The following SLC25A6 variants were observed in gnomAD, a reference collection of about 807,000 sequenced individuals.
SLC25A6 encodes the protein solute carrier family 25 member 6.
In SLC25A6, 9 loss-of-function variants were observed where a neutral mutation model predicts 25.7. The observed-to-expected ratio is 0.35, with a 90% CI of 0.21 to 0.61. The LOEUF is 0.61. Ranked by LOEUF, SLC25A6 falls within the 20% of genes least tolerant of loss-of-function variation. The pLI, the probability that SLC25A6 is intolerant of heterozygous loss-of-function variation, is 0.76. For missense variants in SLC25A6, 404 were observed against 440.5 expected (o/e 0.92, Z 0.74); for synonymous variants, 223 against 197.0 (o/e 1.13, Z -1.11).
At position 1,386,552 on chromosome X, in the gene SLC25A6, T is replaced by G; in HGVS notation, c.*50A>C. The G allele has an allele frequency of 6.8e-7, 1 of 1,464,734 alleles. No individual in the cohort carries two copies. Among genetic ancestry groups the G allele is most frequent in the Non-Finnish European group, 9.0e-7 (1 of 1,106,492 alleles). 90.7% of individuals were successfully genotyped at this position (1,464,734 alleles called of 1,614,324 possible). On this transcript the variant is annotated 3_prime_UTR_variant, in exon 4 of 4. Coordinates refer to ENST00000381401, the MANE Select transcript of SLC25A6 (RefSeq NM_001636.4). ...CCGCACGGTTGAGGATTCTACGTGG[T>G]TCTCTTGGTTCCCCTGGTGTGTGTG...
intron 2 of SLC25A6, 113 bp downstream of exon 2, chrX:1,389,127 AG>A: frequency 8.4e-7 from 1 of 1,196,014 alleles, no homozygotes; most frequent in Non-Finnish European, 1.2e-6. Context: ...GAGAGGCCGC[AG>A]GAGGAACCAG....
chrX:1,391,974 G>T lies in SLC25A6; in HGVS notation c.36C>A (p.Phe12Leu). The T allele has an allele frequency of 6.2e-7, 1 of 1,609,520 alleles. No individual in the cohort carries two copies. Among genetic ancestry groups the T allele is most frequent in the Non-Finnish European group, 8.5e-7 (1 of 1,178,870 alleles). Residue 12 changes from phenylalanine to leucine, a missense_variant, in exon 1 of 4, where the codon TTC becomes TTA. By Grantham distance (22) the Phe-to-Leu change is conservative. Transcript: ENST00000381401. Reference sequence around the variant, plus strand: ...TGGCGGCGGCGATGCCTCCGGCCAAGAAGTCTTTGGCGAAGGAGATGGCCT... The same window carrying T: ...TGGCGGCGGCGATGCCTCCGGCCAATAAGTCTTTGGCGAAGGAGATGGCCT... ...TEQAISFAKD[F>L]LAGGIAAAIS...
chrX:1,389,564 T>A lies in SLC25A6; in HGVS notation c.275A>T (p.Lys92Met). Reference protein sequence around the residue: ...FPTQALNFAFKDKYKQIFLGG... With the variant: ...FPTQALNFAFMDKYKQIFLGG... The stretch of plus-strand genomic sequence containing the variant: ...CAGGAAGATCTGCTTGTACTTATCC[T>A]TGAAGGCGAAGTTGAGGGCTTGAGT... Residue 92 changes from lysine (K) to methionine (M), a missense_variant, in exon 2 of 4, where the codon AAG becomes ATG. Coordinates refer to ENST00000381401, the MANE Select transcript of SLC25A6 (RefSeq NM_001636.4). The A allele has an allele frequency of 6.2e-7, 1 of 1,614,142 alleles. No homozygotes were observed. The highest frequency in any genetic ancestry group is 2.2e-5 in the East Asian group (1 of 44,868).
Position 1,389,597 on chromosome X carries a change from T to C in SLC25A6, c.242A>G (p.Tyr81Cys). ...GAAGTTGAGGGCTTGAGTGGGGAAG[T>C]AGCGAATGACGTTGGCAAGGTTGCC... ...WRGNLANVIR[Y>C]FPTQALNFAF... The change falls in exon 2 of 4, where the codon TAC (tyrosine) becomes TGC (cysteine). Residue 81 changes from tyrosine (Y) to cysteine (C), a missense_variant. Tyr to Cys is a radical substitution (Grantham distance 194). Coordinates refer to ENST00000381401, the MANE Select transcript of SLC25A6 (RefSeq NM_001636.4). The C allele has an allele frequency of 1.9e-6, 3 of 1,614,138 alleles. No individual in the cohort carries two copies. Among genetic ancestry groups the C allele is most frequent in the Non-Finnish European group, 2.5e-6 (3 of 1,180,010 alleles).
At chrX:1,386,814 A>C in intron 3 of SLC25A6, 55 bp from the exon 4 acceptor site, 1 of 1,567,076 alleles carries the variant, frequency 6.4e-7, no homozygotes, top group Non-Finnish European at 8.7e-7. Context: ...CAAGACACGG[A>C]CGCCACCTGC....
chrX:1,387,274 A>G lies in SLC25A6; in HGVS notation c.739+5T>C. The G allele has an allele frequency of 1.2e-6, 2 of 1,610,922 alleles. No individual in the cohort carries two copies. The highest frequency in any genetic ancestry group is 1.7e-6 in the Non-Finnish European group (2 of 1,178,736). ...GCAGCAAGGGTCCCCCGCCCCCCCG[A>G]GTACCTCCTTTGCGCCCGGACTGCA... On this transcript the variant is annotated splice_donor_5th_base_variant and intron_variant, in intron 3 of 3. Coordinates refer to ENST00000381401, the MANE Select transcript of SLC25A6 (RefSeq NM_001636.4).
intron 2 of SLC25A6, 149 bp downstream of exon 2, chrX:1,389,092 G>A (rs2089366447): frequency 1.3e-6 from 1 of 749,970 alleles, no homozygotes; most frequent in Non-Finnish European, 2.1e-6. Context: ...GGCACAGGGA[G>A]AAGACGGCGT....
At chrX:1,388,144 G>C (rs2089351354) in intron 2 of SLC25A6, among the ~76,000 whole-genome samples, 1 of 151,912 alleles carries the variant, frequency 6.6e-6, no homozygotes, top group African/African-American at 2.4e-5. Context: ...CACACACAGA[G>C]GGATGACCCT....
chrX:1,389,214 G>T, intron 2 of SLC25A6, 27 bp downstream of exon 2: 2 of 1,602,320 alleles, frequency 1.2e-6, no homozygotes, highest in Non-Finnish European at 1.7e-6. Context: ...CCCGTCTCTG[G>T]GACTTCGCGA....
rs776807220 is a variant in SLC25A6 at position 1,387,267 on chromosome X, C to A, written c.739+12G>T. 3 of 1,610,056 alleles carry A rather than the reference C, an allele frequency of 1.9e-6. No individual in the cohort carries two copies. The highest frequency in any genetic ancestry group is 2.5e-6 in the Non-Finnish European group (3 of 1,177,982). On this transcript the variant is annotated intron_variant, in intron 3 of 3. Transcript: ENST00000381401. ...CTTCCCGGCAGCAAGGGTCCCCCGC[C>A]CCCCCGAGTACCTCCTTTGCGCCCG...
At chrX:1,388,404 G>A (rs1432036524) in intron 2 of SLC25A6, among the ~76,000 whole-genome samples, 2 of 146,968 alleles carry the variant, frequency 1.4e-5, no homozygotes, top group Admixed American at 6.8e-5. Flanking sequence ...AGGACACAGG[G>A]AAGACGGAGT....
intron 2 of SLC25A6, 40 bp downstream of exon 2, chrX:1,389,201 G>C (rs758558497): frequency 1.3e-6 from 2 of 1,592,992 alleles, no homozygotes; most frequent in South Asian, 2.2e-5. Flanking sequence ...TCTGTGTGTT[G>C]AGCCCGTCTC....
chrX:1,386,432 T>A lies in SLC25A6; in HGVS notation c.*170A>T. On this transcript the variant is annotated 3_prime_UTR_variant, in exon 4 of 4. Transcript: ENST00000381401. ...ACGGAATCGGCTGCCGATGGTTGGA[T>A]CGCAATGCGCCCCTTTTCTAGAGCC... The A allele has an allele frequency of 2.3e-6, 2 of 859,526 alleles. No homozygotes were observed. The highest frequency in any genetic ancestry group is 3.3e-6 in the Non-Finnish European group (2 of 600,582). 53.2% of individuals were successfully genotyped at this position (859,526 alleles called of 1,614,324 possible). A position where few individuals can be genotyped will look rare whatever the true frequency, so the allele number is the denominator to read the frequency against.
At chrX:1,387,555 G>A in intron 2 of SLC25A6, 136 bp from the exon 3 acceptor site, 2 of 1,263,336 alleles carry the variant, frequency 1.6e-6, no homozygotes, top group Non-Finnish European at 2.2e-6. Flanking sequence ...CCTCCACGTG[G>A]CTGCTCAGTG....
chrX:1,391,058 C>T (rs1223230568), intron 1 of SLC25A6, among the ~76,000 whole-genome samples: 1 of 152,242 alleles, frequency 6.6e-6, no homozygotes, highest in African/African-American at 2.4e-5. Flanking sequence ...GTTGCCCAGG[C>T]TGGTCTCAAA....
chrX:1,388,176 G>A lies in SLC25A6; in HGVS notation c.599-757C>T, dbSNP rs1293662502. ...CCCTGTGAGGACACAGGGAGAAGAC[G>A]GCGTCTACAAGCCCAGGAGAGAGGC... On this transcript the variant is annotated intron_variant, in intron 2 of 3. Coordinates refer to ENST00000381401, the MANE Select transcript of SLC25A6 (RefSeq NM_001636.4). 5.3e-5 allele frequency among the ~76,000 whole-genome samples: 8 copies of A among 150,364 alleles called. No homozygotes were observed. In the East Asian group the frequency reaches 7.9e-4, roughly 15 times the overall value.
chrX:1,387,544 C>G, intron 2 of SLC25A6, 125 bp from the exon 3 acceptor site: 2 of 1,370,956 alleles, frequency 1.5e-6, no homozygotes, highest in Non-Finnish European at 2.0e-6. Context: ...CACCAGTGCC[C>G]CCTCCACGTG....
Position 1,391,961 on chromosome X carries a change from TGCCTCCGGCCAAGAA to T in SLC25A6, c.34_48del (p.Phe12_Gly16del). The stretch of plus-strand genomic sequence containing the variant: ...GCCGTCTTGGAGATGGCGGCGGCGA[TGCCTCCGGCCAAGAA>T]GTCTTTGGCGAAGGAGATGGCCTGT... On this transcript the variant is annotated inframe_deletion, in exon 1 of 4. Transcript: ENST00000381401. 3 of 1,609,776 alleles carry T rather than the reference TGCCTCCGGCCAAGAA, an allele frequency of 1.9e-6. No homozygotes were observed. The highest frequency in any genetic ancestry group is 2.5e-6 in the Non-Finnish European group (3 of 1,178,992).
intron 2 of SLC25A6, 103 bp downstream of exon 2, chrX:1,389,138 G>A (rs2089367156): frequency 1.5e-6 from 2 of 1,333,854 alleles, no homozygotes; most frequent in East Asian, 2.5e-5. Context: ...GGAGGAACCA[G>A]CCCTGCCCAC....
Sources: allele counts gnomAD v4.1 joint callset (sites outside exome capture counted in the v4.1 genomes callset), GRCh38; gene constraint gnomAD v4.1.1; transcripts MANE v1.5; gene names NCBI Gene and HGNC (gene_info 2026-07-23, HGNC 2026-07-21).